MARCO: variants seen among roughly 807,000 people sequenced by gnomAD.
MARCO encodes macrophage receptor with collagenous structure.
Under a neutral mutation model 70.0 loss-of-function variants are expected in MARCO, and 72 were observed. The ratio of observed to expected loss-of-function variants is 1.03; its 90% CI spans 0.85 to 1.25. MARCO has a LOEUF of 1.25. Ranked by LOEUF, MARCO falls within the 50% of genes most tolerant of loss-of-function variation. The pLI is 0.00. For synonymous variants in MARCO, 273 were observed against 243.1 expected (o/e 1.12, Z -1.14); for missense variants, 696 against 659.3 (o/e 1.06, Z -0.61).
chr2:118,982,895 T>G (rs1357319710), intron 12 of MARCO, among the ~76,000 whole-genome samples: 1 of 108,878 alleles, frequency 9.2e-6, no homozygotes, highest in African/African-American at 7.7e-5. Flanking sequence ...GAGTCTAGGT[T>G]AGTCTAGGTT....
chr2:118,965,014 A>G (rs1214863499), intron 1 of MARCO, among the ~76,000 whole-genome samples: 1 of 151,060 alleles, frequency 6.6e-6, no homozygotes, highest in Non-Finnish European at 1.5e-5. Flanking sequence ...TGTTTTAGTT[A>G]TGATGTGTCT....
chr2:118,984,765 A>G (rs1339181898), intron 12 of MARCO, among the ~76,000 whole-genome samples: 1 of 152,186 alleles, frequency 6.6e-6, no homozygotes, highest in Non-Finnish European at 1.5e-5. Flanking sequence ...GTGGGAGCCC[A>G]ATCTCCCCAT....
intron 1 of MARCO, among the ~76,000 whole-genome samples, chr2:118,946,879 C>T (rs1414656359): frequency 1.3e-5 from 2 of 152,198 alleles, no homozygotes; most frequent in Non-Finnish European, 2.9e-5. Flanking sequence ...ACTGATATTT[C>T]ATTGTAGATT....
At chr2:118,963,490 ATTTGT>A (rs1022736819) in intron 1 of MARCO, among the ~76,000 whole-genome samples, 3 of 151,802 alleles carry the variant, frequency 2.0e-5, no homozygotes, top group African/African-American at 7.3e-5. Flanking sequence ...TTTGGTTGAA[ATTTGT>A]TTTATGACCT....
chr2:118,962,234 G>A (rs1280957746), intron 1 of MARCO, among the ~76,000 whole-genome samples: 2 of 152,102 alleles, frequency 1.3e-5, no homozygotes, highest in African/African-American at 4.8e-5. Context: ...TTTTGAGATA[G>A]TTTCTTCTAA....
chr2:118,992,371 G>T, intron 14 of MARCO, 61 bp from the exon 15 acceptor site: 1 of 1,423,868 alleles, frequency 7.0e-7, no homozygotes, highest in Non-Finnish European at 9.9e-7. Flanking sequence ...TCATGCAAAT[G>T]CAGGCAAAGG....
chr2:118,977,324 G>C lies in MARCO; in HGVS notation c.614-147G>C. Reference sequence around the variant, plus strand: ...TGTGTGCATGTGTGTGAAAAAGAGAGAGAGAGAGAGAGTGAGAGTGAGAGA... The same window carrying C: ...TGTGTGCATGTGTGTGAAAAAGAGACAGAGAGAGAGAGTGAGAGTGAGAGA... On this transcript the variant is annotated intron_variant, in intron 6 of 16. Transcript: ENST00000327097. The C allele has an allele frequency of 2.2e-5, 13 of 582,276 alleles. 2 individuals are homozygous for C. The highest frequency in any genetic ancestry group is 1.2e-4 in the South Asian group (5 of 41,184). The allele number at this position is 582,276 out of a possible 1,614,324, so 36.1% of individuals were successfully genotyped here.
At position 118,974,563 on chromosome 2, in the gene MARCO, C is replaced by G; in HGVS notation, c.611C>G (p.Ala204Gly). ...PQGPPGVKGE[A>G]GLQGPQGAPG... is the part of the protein sequence containing the mutation. ...GGCCCACCGGGAGTCAAGGGAGAGGCGGGTGAGTAGGTGCTGGGTATGTAC... is the reference window on the plus strand; with the variant it reads ...GGCCCACCGGGAGTCAAGGGAGAGGGGGGTGAGTAGGTGCTGGGTATGTAC... Residue 204 changes from alanine (A) to glycine (G), a missense_variant and splice_region_variant, in exon 6 of 17, where the codon GCG becomes GGG. Around this residue, in one of 3 missense-constraint regions of MARCO, gnomAD observed 605 missense variants for 537.6 expected, o/e 1.13. Coordinates refer to ENST00000327097, the MANE Select transcript of MARCO (RefSeq NM_006770.4). The G allele has an allele frequency of 1.2e-6, 2 of 1,612,896 alleles. No individual in the cohort carries two copies. Among genetic ancestry groups the G allele is most frequent in the African/African-American group, 1.3e-5 (1 of 74,986 alleles).
At chr2:118,959,640 T>C (rs1437009372) in intron 1 of MARCO, among the ~76,000 whole-genome samples, 2 of 152,190 alleles carry the variant, frequency 1.3e-5, no homozygotes, top group Admixed American at 6.5e-5. Flanking sequence ...ACTGGGTATC[T>C]ACCCAGAGGA....
intron 12 of MARCO, among the ~76,000 whole-genome samples, chr2:118,985,114 A>T (rs1680459750): frequency 6.6e-6 from 1 of 152,094 alleles, no homozygotes; most frequent in Non-Finnish European, 1.5e-5. Context: ...TGAACTTATC[A>T]TTCCTACTTT....
At chr2:118,961,139 T>C (rs749503680) in intron 1 of MARCO, among the ~76,000 whole-genome samples, 4 of 152,222 alleles carry the variant, frequency 2.6e-5, no homozygotes, top group Non-Finnish European at 4.4e-5. Flanking sequence ...CAGTCTATCA[T>C]TGATGGACGT....
chr2:118,964,663 G>A (rs572242345), intron 1 of MARCO, among the ~76,000 whole-genome samples: 8 of 152,120 alleles, frequency 5.3e-5, no homozygotes, highest in Non-Finnish European at 8.8e-5. Flanking sequence ...TGAGGTGGGC[G>A]GATCTCTTGA....
chr2:118,975,683 C>T (rs1410854203), intron 6 of MARCO, among the ~76,000 whole-genome samples: 1 of 152,110 alleles, frequency 6.6e-6, no homozygotes. Flanking sequence ...CACATACTTG[C>T]ATTCTCACAC....
At chr2:118,966,549 G>A (rs1186814197) in intron 1 of MARCO, among the ~76,000 whole-genome samples, 3 of 152,146 alleles carry the variant, frequency 2.0e-5, no homozygotes, top group Non-Finnish European at 4.4e-5. Context: ...TATGCCAGGT[G>A]GTAGCTCTGA....
chr2:118,986,659 A>G (rs1558671652), intron 12 of MARCO, among the ~76,000 whole-genome samples: 1 of 49,550 alleles, frequency 2.0e-5, no homozygotes, highest in African/African-American at 1.3e-4. Flanking sequence ...GAAAGAAGGA[A>G]GGAAGGAAGG....
intron 1 of MARCO, among the ~76,000 whole-genome samples, chr2:118,955,616 C>G (rs546286459): frequency 3.9e-4 from 60 of 152,218 alleles, no homozygotes; most frequent in Non-Finnish European, 7.1e-4. Flanking sequence ...CTGGGAAATT[C>G]GTTGCAAAAA....
chr2:118,958,619 A>G (rs1367366656), intron 1 of MARCO, among the ~76,000 whole-genome samples: 1 of 152,134 alleles, frequency 6.6e-6, no homozygotes, highest in African/African-American at 2.4e-5. Flanking sequence ...CCCCATCAAA[A>G]TACCACCATC....
At chr2:118,986,233 G>A (rs115997111) in intron 12 of MARCO, among the ~76,000 whole-genome samples, 1 of 152,096 alleles carries the variant, frequency 6.6e-6, no homozygotes, top group Non-Finnish European at 1.5e-5. Flanking sequence ...CCACAAGGTC[G>A]ATTTGTCAGT....
intron 1 of MARCO, among the ~76,000 whole-genome samples, chr2:118,967,127 G>C (rs1020385362): frequency 6.6e-6 from 1 of 152,198 alleles, no homozygotes; most frequent in African/African-American, 2.4e-5. Flanking sequence ...ACACAATCCA[G>C]GGTGATCAGT....
Sources: allele counts gnomAD v4.1 joint callset (sites outside exome capture counted in the v4.1 genomes callset), GRCh38; gene constraint gnomAD v4.1.1; regional missense constraint gnomAD v4.1.1; transcripts MANE v1.5; gene names NCBI Gene and HGNC (gene_info 2026-07-23, HGNC 2026-07-21).